CDH12: variants seen among roughly 807,000 people sequenced by gnomAD.
The protein encoded by CDH12 is cadherin-12.
A neutral mutation model predicts 74.1 loss-of-function variants in CDH12; 41 were observed. That is an observed-to-expected ratio of 0.55 (90% CI 0.43 to 0.72). The LOEUF (loss-of-function observed/expected upper bound fraction) is 0.72. Ranked by LOEUF, CDH12 falls within the 30% of genes least tolerant of loss-of-function variation. The pLI is 0.00. For missense variants in CDH12, 945 were observed against 977.2 expected (o/e 0.97, Z 0.44); for synonymous variants, 399 against 355.0 (o/e 1.12, Z -1.39).
chr5:21,904,290 A>G (rs1018473242), intron 6 of CDH12, among the ~76,000 whole-genome samples: 3 of 152,174 alleles, frequency 2.0e-5, no homozygotes, highest in Non-Finnish European at 4.4e-5. Context: ...CTCCACCAAA[A>G]CGAGGAAGTG....
In CDH12 at chr5:22,774,632, C is replaced by T. The variant is rs1746991621; in HGVS notation, c.-523+78426G>A. Among the ~76,000 whole-genome samples the T allele has an allele frequency of 2.0e-5, 3 of 152,112 alleles. No homozygotes were observed. The South Asian group carries it at 6.2e-4, about 31-fold the overall frequency. The stretch of plus-strand genomic sequence containing the variant: ...GAACAATCGCTCTCTATTCCTGCTG[C>T]CATCCACGCAAGACATGACTTGTTT... On this transcript the variant is annotated intron_variant, in intron 1 of 14. Transcript: ENST00000382254.
intron 6 of CDH12, among the ~76,000 whole-genome samples, chr5:21,927,036 C>T (rs1754614466): frequency 6.6e-6 from 1 of 152,066 alleles, no homozygotes; most frequent in Non-Finnish European, 1.5e-5. Flanking sequence ...CATATGGGAC[C>T]ACTTGGAGTT....
chr5:21,848,263 G>T (rs7725275), intron 7 of CDH12, among the ~76,000 whole-genome samples: 99,154 of 151,886 alleles, frequency 0.65, 35,606 homozygotes, highest in East Asian at 0.8. Context: ...ACTCCAGTGT[G>T]AACCAAGTCA....
At chr5:22,255,326 T>A in intron 3 of CDH12, among the ~76,000 whole-genome samples, 1 of 151,804 alleles carries the variant, frequency 6.6e-6, no homozygotes, top group African/African-American at 2.4e-5. Context: ...AGAATTAAGA[T>A]CATGATCTCA....
chr5:22,707,707 A>C (rs1240184068), intron 1 of CDH12, among the ~76,000 whole-genome samples: 1 of 152,172 alleles, frequency 6.6e-6, no homozygotes, highest in Non-Finnish European at 1.5e-5. Flanking sequence ...CTCTGGCTCA[A>C]ATCTGAAATC....
At chr5:22,506,233 T>G (rs1056534181) in intron 1 of CDH12, among the ~76,000 whole-genome samples, 43 of 152,260 alleles carry the variant, frequency 2.8e-4, no homozygotes, top group Middle Eastern at 3.4e-3. Flanking sequence ...CTCCATTTGC[T>G]GGAGGGGAAA....
intron 6 of CDH12, among the ~76,000 whole-genome samples, chr5:21,906,607 G>A (rs1025118784): frequency 9.2e-5 from 14 of 152,062 alleles, no homozygotes; most frequent in African/African-American, 3.4e-4. Context: ...CTCCCAAAAG[G>A]AGATATTAAT....
chr5:22,445,713 T>A (rs1372174531), intron 2 of CDH12, among the ~76,000 whole-genome samples: 1 of 152,058 alleles, frequency 6.6e-6, no homozygotes, highest in Non-Finnish European at 1.5e-5. Context: ...GCAGGAAAGT[T>A]TTCCTTTCAC....
chr5:22,815,769 CAA>C (rs34135797), intron 1 of CDH12, among the ~76,000 whole-genome samples: 33 of 97,076 alleles, frequency 3.4e-4, no homozygotes, highest in Middle Eastern at 6.3e-3. Flanking sequence ...GACTCCGTCT[CAA>C]AAAAAAAAAA....
intron 10 of CDH12, among the ~76,000 whole-genome samples, chr5:21,794,038 G>C (rs1746644363): frequency 6.6e-6 from 1 of 151,298 alleles, no homozygotes; most frequent in African/African-American, 2.4e-5. Flanking sequence ...AGTGTATAAT[G>C]CAATGTACTA....
intron 1 of CDH12, among the ~76,000 whole-genome samples, chr5:22,585,417 C>T (rs191901005): frequency 1.3e-5 from 2 of 152,234 alleles, no homozygotes; most frequent in East Asian, 1.9e-4. Context: ...TGGAGCTTCA[C>T]GAATCTATGG....
chr5:22,836,446 G>T lies in CDH12; in HGVS notation c.-523+16612C>A, dbSNP rs137870429. On this transcript the variant is annotated intron_variant, in intron 1 of 14. Coordinates refer to ENST00000382254, the MANE Select transcript of CDH12 (RefSeq NM_004061.5). ...GGGTTTCACTATGTTAGCCAGGCTG[G>T]TCTCAAACTCCTGACCTCCTGATCC... is the stretch of plus-strand genomic sequence containing the variant. Among the ~76,000 whole-genome samples, 189 of 151,590 alleles carry T rather than the reference G, an allele frequency of 1.2e-3. 2 individuals are homozygous for T. The highest frequency in any genetic ancestry group is 4.4e-3 in the African/African-American group (182 of 41,324).
intron 3 of CDH12, among the ~76,000 whole-genome samples, chr5:22,402,417 C>A (rs1481243186): frequency 1.3e-5 from 2 of 152,116 alleles, no homozygotes; most frequent in Non-Finnish European, 2.9e-5. Context: ...CTGTAACAAA[C>A]CAGATCCTTG....
intron 7 of CDH12, among the ~76,000 whole-genome samples, chr5:21,850,672 T>C (rs1037642242): frequency 2.0e-5 from 3 of 151,506 alleles, no homozygotes; most frequent in Non-Finnish European, 4.4e-5. Flanking sequence ...GAAAGGTCGA[T>C]AGACTCAAGA....
chr5:21,796,984 GC>G (rs1396366293), intron 10 of CDH12, among the ~76,000 whole-genome samples: 14 of 152,022 alleles, frequency 9.2e-5, no homozygotes, highest in African/African-American at 3.4e-4. Flanking sequence ...CAAATATACA[GC>G]ATTAGAAACA....
At chr5:21,779,927 T>C (rs1337475657) in intron 11 of CDH12, among the ~76,000 whole-genome samples, 1 of 152,212 alleles carries the variant, frequency 6.6e-6, no homozygotes, top group Non-Finnish European at 1.5e-5. Context: ...TACCACTTGA[T>C]AGTGTTTAGC....
intron 2 of CDH12, among the ~76,000 whole-genome samples, chr5:22,497,441 G>T (rs577605462): frequency 6.6e-6 from 1 of 151,798 alleles, no homozygotes; most frequent in Non-Finnish European, 1.5e-5. Flanking sequence ...TTGCTCACCC[G>T]TTATTCTGCT....
intron 10 of CDH12, among the ~76,000 whole-genome samples, chr5:21,799,005 G>T: frequency 6.6e-6 from 1 of 152,134 alleles, no homozygotes; most frequent in Non-Finnish European, 1.5e-5. Flanking sequence ...AGGATATTCT[G>T]TTAAAGGTTC....
intron 1 of CDH12, among the ~76,000 whole-genome samples, chr5:22,744,647 A>G (rs1312407205): frequency 1.3e-5 from 2 of 152,160 alleles, no homozygotes; most frequent in African/African-American, 4.8e-5. Flanking sequence ...TTTTATAGAT[A>G]GCAACTGTAG....
Sources: gnomAD v4.1 joint callset for allele counts (sites outside exome capture counted in the v4.1 genomes callset) on GRCh38, gnomAD v4.1.1 for gene constraint, MANE v1.5 for transcripts, NCBI Gene and HGNC (gene_info 2026-07-23, HGNC 2026-07-21) for gene names.